KDM4C: variants seen among roughly 807,000 people sequenced by gnomAD.
The protein encoded by KDM4C is lysine-specific demethylase 4C.
A neutral mutation model predicts 129.3 loss-of-function variants in KDM4C; 81 were observed. The ratio of observed to expected loss-of-function variants is 0.63; its 90% CI spans 0.52 to 0.75. The LOEUF is 0.75. Among genes scored for constraint, KDM4C ranks in the 30% least tolerant of loss-of-function variants. The probability of loss-of-function intolerance (pLI) is 0.00; values close to 1 mark genes in which losing one functional copy is unlikely to be tolerated. For missense variants in KDM4C, 1,457 were observed against 1,304.0 expected (o/e 1.12, Z -1.81); for synonymous variants, 573 against 456.1 (o/e 1.26, Z -3.26).
chr9:7,167,208 A>T (rs1844478411), intron 20 of KDM4C, among the ~76,000 whole-genome samples: 2 of 152,142 alleles, frequency 1.3e-5, no homozygotes, highest in South Asian at 4.2e-4. Flanking sequence ...GCTGGTAAAG[A>T]GAGGGCCAAA....
intron 5 of KDM4C, among the ~76,000 whole-genome samples, chr9:6,854,641 G>C (rs185136725): frequency 6.6e-6 from 1 of 151,996 alleles, no homozygotes; most frequent in African/African-American, 2.4e-5. Context: ...TCTAAAATCA[G>C]GAAAGGTTTT....
At chr9:7,031,067 C>G (rs112457351) in intron 15 of KDM4C, among the ~76,000 whole-genome samples, 2,600 of 151,862 alleles carry the variant, frequency 0.017, 86 homozygotes, top group African/African-American at 0.059. Flanking sequence ...AAATCAAAAC[C>G]CAAACATGAA....
chr9:7,090,934 C>T (rs912205), intron 17 of KDM4C, among the ~76,000 whole-genome samples: 1 of 151,984 alleles, frequency 6.6e-6, no homozygotes, highest in Non-Finnish European at 1.5e-5. Flanking sequence ...ATGAATTGTA[C>T]ATCCTATTCA....
Position 7,151,569 on chromosome 9 carries a change from G to C in KDM4C, c.2782-13669G>C, listed in dbSNP as rs190039119. ...ACGCACCTGTATTCTCAGCTATTTG[G>C]GAGGCTGAGGTGGGAGAATCACCTG... On this transcript the variant is annotated intron_variant, in intron 19 of 21. Transcript: ENST00000381309. Among the ~76,000 whole-genome samples the C allele has an allele frequency of 1.6e-3, 250 of 152,254 alleles. 1 individual carries two copies. Among genetic ancestry groups the C allele is most frequent in the Non-Finnish European group, 3.1e-3 (211 of 68,012 alleles).
At chr9:7,172,750 T>C (rs1331038200) in intron 21 of KDM4C, among the ~76,000 whole-genome samples, 1 of 152,216 alleles carries the variant, frequency 6.6e-6, no homozygotes, top group Non-Finnish European at 1.5e-5. Context: ...GTGGCTGTTT[T>C]CTTGTTTTTC....
At chr9:6,873,666 T>G (rs1243577442) in intron 5 of KDM4C, among the ~76,000 whole-genome samples, 1 of 152,256 alleles carries the variant, frequency 6.6e-6, no homozygotes, top group Non-Finnish European at 1.5e-5. Context: ...GTTGCTGGTT[T>G]GATCTTATGT....
chr9:7,016,776 G>A (rs770431850), intron 15 of KDM4C, among the ~76,000 whole-genome samples: 48 of 152,172 alleles, frequency 3.2e-4, no homozygotes, highest in Non-Finnish European at 5.9e-4. Context: ...TGCAGGGACT[G>A]TCAATTTATC....
chr9:6,986,896 T>A (rs968053584), intron 11 of KDM4C: 6 of 433,322 alleles, frequency 1.4e-5, no homozygotes, highest in Non-Finnish European at 2.4e-5. Context: ...CGATGCTTGA[T>A]TTTCTTTTTT....
At position 7,149,124 on chromosome 9, in the gene KDM4C, C is replaced by T. The variant is rs12686854; in HGVS notation, c.2782-16114C>T. Among the ~76,000 whole-genome samples the T allele has an allele frequency of 5.6e-4, 86 of 152,362 alleles. 1 individual carries two copies. In the East Asian group the frequency reaches 0.016, roughly 29 times the overall value. ...TTGCATGCCCATGCCGAGCCGCCCT[C>T]AGGCCCCTTGGCCTCACTCCCGTGC... is the stretch of plus-strand genomic sequence containing the variant. On this transcript the variant is annotated intron_variant, in intron 19 of 21. Transcript: ENST00000381309.
At chr9:6,980,844 G>A (rs568023684) in intron 8 of KDM4C, 81 bp from the exon 9 acceptor site, 3 of 1,174,430 alleles carry the variant, frequency 2.6e-6, no homozygotes, top group African/African-American at 3.1e-5. Context: ...AGTATTCATG[G>A]ATGATGTGTT....
intron 2 of KDM4C, among the ~76,000 whole-genome samples, chr9:6,799,948 C>T (rs1222722526): frequency 6.6e-6 from 1 of 151,894 alleles, no homozygotes; most frequent in Non-Finnish European, 1.5e-5. Flanking sequence ...TGTGGCTGGG[C>T]ATGGTGGCTC....
chr9:7,086,974 C>CGT (rs1458855575), intron 17 of KDM4C, among the ~76,000 whole-genome samples: 1 of 152,190 alleles, frequency 6.6e-6, no homozygotes, highest in East Asian at 1.9e-4. Flanking sequence ...GTACTCTGCC[C>CGT]TGTGGTTGAA....
At chr9:7,142,972 A>G (rs1841902497) in intron 19 of KDM4C, among the ~76,000 whole-genome samples, 1 of 152,156 alleles carries the variant, frequency 6.6e-6, no homozygotes, top group South Asian at 2.1e-4. Flanking sequence ...AGTTACTGTT[A>G]ATTGGATGAT....
intron 4 of KDM4C, among the ~76,000 whole-genome samples, chr9:6,833,532 C>T (rs951027647): frequency 1.1e-4 from 17 of 152,284 alleles, no homozygotes; most frequent in Admixed American, 3.3e-4. Flanking sequence ...CCTTGAACCC[C>T]GGCCCTGTGA....
At chr9:6,724,602 C>A (rs766159780) in intron 1 of KDM4C, among the ~76,000 whole-genome samples, 6 of 152,098 alleles carry the variant, frequency 3.9e-5, no homozygotes, top group Non-Finnish European at 8.8e-5. Flanking sequence ...ACGATCTCGG[C>A]TCACTGCAAC....
At chr9:6,761,550 G>C (rs1300337164) in intron 1 of KDM4C, among the ~76,000 whole-genome samples, 2 of 151,882 alleles carry the variant, frequency 1.3e-5, no homozygotes, top group African/African-American at 4.8e-5. Flanking sequence ...AAACTCCCGG[G>C]CTCAAGCAGT....
intron 12 of KDM4C, 120 bp from the exon 13 acceptor site, chr9:7,011,578 T>C (rs1180418707): frequency 2.4e-6 from 2 of 829,396 alleles, no homozygotes; most frequent in Non-Finnish European, 3.9e-6. Flanking sequence ...AAAGACAAAG[T>C]AGGTTTGGTT....
intron 8 of KDM4C, among the ~76,000 whole-genome samples, chr9:6,960,116 A>G (rs192838747): frequency 3.3e-5 from 5 of 152,012 alleles, no homozygotes; most frequent in Non-Finnish European, 5.9e-5. Context: ...CAAAGTCACA[A>G]TGGAGAAAAA....
At chr9:6,900,387 G>T (rs887607986) in intron 8 of KDM4C, among the ~76,000 whole-genome samples, 1 of 152,248 alleles carries the variant, frequency 6.6e-6, no homozygotes, top group Non-Finnish European at 1.5e-5. Flanking sequence ...TGAAGATTCA[G>T]AATGGTCTTG....
Sources: gnomAD v4.1 joint callset for allele counts (sites outside exome capture counted in the v4.1 genomes callset) on GRCh38, gnomAD v4.1.1 for gene constraint, MANE v1.5 for transcripts, NCBI Gene and HGNC (gene_info 2026-07-23, HGNC 2026-07-21) for gene names.